The following SEC22C variants were observed in gnomAD, a reference collection of about 807,000 sequenced individuals.
SEC22C encodes the protein SEC22 homolog C, vesicle trafficking protein, also known as vesicle-trafficking protein SEC22c.
Under a neutral mutation model 34.7 loss-of-function variants are expected in SEC22C, and 29 were observed. That is an observed-to-expected ratio of 0.84 (90% CI 0.62 to 1.14). The LOEUF is 1.14. Ranked by LOEUF, SEC22C falls within the 50% of genes most tolerant of loss-of-function variation. The probability of loss-of-function intolerance (pLI) is 0.00; values close to 1 mark genes in which losing one functional copy is unlikely to be tolerated. For synonymous variants in SEC22C, 117 were observed against 132.8 expected, an observed-to-expected ratio of 0.88 and a Z score of 0.82; for missense variants, 337 against 369.0, an observed-to-expected ratio of 0.91 and a Z score of 0.71.
At chr3:42,596,134 G>C (rs1705022469) in intron 1 of SEC22C, among the ~76,000 whole-genome samples, 1 of 151,902 alleles carries the variant, frequency 6.6e-6, no homozygotes, top group Admixed American at 6.6e-5. Flanking sequence ...TGATTCTCCT[G>C]CCTCAGCCTC....
Position 42,549,434 on chromosome 3 carries a change from T to C in SEC22C, c.*3814A>G. 1.0e-6 allele frequency: 1 copy of C among 985,648 alleles called. No individual in the cohort carries two copies. The highest frequency in any genetic ancestry group is 4.7e-5 in the South Asian group (1 of 21,290). The allele number at this position is 985,648 out of a possible 1,614,324, so 61.1% of individuals were successfully genotyped here. A position where few individuals can be genotyped will look rare whatever the true frequency, so the allele number is the denominator to read the frequency against. Reference sequence around the variant, plus strand: ...CCCCCATATGCCAAGGGGCAGCTGCTATCTTCCAGCAGAGAGAGAACCCCC... The same window carrying C: ...CCCCCATATGCCAAGGGGCAGCTGCCATCTTCCAGCAGAGAGAGAACCCCC... On this transcript the variant is annotated 3_prime_UTR_variant, in exon 7 of 7. Coordinates refer to ENST00000264454, the MANE Select transcript of SEC22C (RefSeq NM_032970.4).
At chr3:42,569,648 T>C (rs1203063002) in intron 1 of SEC22C, among the ~76,000 whole-genome samples, 1 of 152,244 alleles carries the variant, frequency 6.6e-6, no homozygotes, top group East Asian at 1.9e-4. Flanking sequence ...CTCTAGATCA[T>C]GTCCTTCTGA....
At chr3:42,553,571 G>A in intron 6 of SEC22C, 123 bp from the exon 7 acceptor site, 1 of 1,386,936 alleles carries the variant, frequency 7.2e-7, no homozygotes, top group Non-Finnish European at 9.6e-7. Flanking sequence ...TGATTAAACT[G>A]AATTCATTAC....
At chr3:42,585,365 T>C (rs931852776), upstream of SEC22C, among the ~76,000 whole-genome samples, 1 of 152,194 alleles carries the variant, frequency 6.6e-6, no homozygotes, top group Admixed American at 6.5e-5. Flanking sequence ...CTCCAGAGTC[T>C]TTCTCTTCCA....
At chr3:42,591,437 C>A in intron 1 of SEC22C, 2 of 928,078 alleles carry the variant, frequency 2.2e-6, no homozygotes, top group South Asian at 2.6e-5. Context: ...TCGTGATCCG[C>A]CTAGATCGGC....
chr3:42,598,651 T>C (rs762082959), intron 1 of SEC22C, among the ~76,000 whole-genome samples: 4 of 151,858 alleles, frequency 2.6e-5, no homozygotes, highest in African/African-American at 4.8e-5. Context: ...TATTACATGA[T>C]TTTACTCACA....
chr3:42,556,971 C>A (rs1190363984), intron 5 of SEC22C, among the ~76,000 whole-genome samples: 1 of 152,206 alleles, frequency 6.6e-6, no homozygotes, highest in African/African-American at 2.4e-5. Context: ...GATCCACCCA[C>A]CTCAACCTCC....
chr3:42,592,976 G>T (rs1244978651), intron 1 of SEC22C, among the ~76,000 whole-genome samples: 2 of 152,072 alleles, frequency 1.3e-5, no homozygotes, highest in African/African-American at 4.8e-5. Context: ...CATGGGTTCT[G>T]CATTGCATTT....
At chr3:42,600,980 C>T in exon 1 of SEC22C, 1 of 1,533,898 alleles carries the variant, frequency 6.5e-7, no homozygotes, top group Non-Finnish European at 8.8e-7. Context: ...CCCCTCTCTC[C>T]CAGCTCTTGC....
rs1703060773 is a variant in SEC22C, at chr3:42,563,688, T to G, written c.183-2A>C. The G allele has an allele frequency of 1.9e-6, 3 of 1,613,770 alleles. No individual in the cohort carries two copies. Among genetic ancestry groups the G allele is most frequent in the South Asian group, 1.1e-5 (1 of 91,054 alleles). ...GCCACGTCCCCGAAAGAAGAAAAAC[T>G]GAAACAAAAGGGCAATATCTGTATT... On this transcript the variant is annotated splice_acceptor_variant, in intron 2 of 6. Coordinates refer to ENST00000264454, the MANE Select transcript of SEC22C (RefSeq NM_032970.4). LOFTEE classifies it high-confidence loss of function.
chr3:42,583,536 G>C (rs1424409428), upstream of SEC22C, among the ~76,000 whole-genome samples: 2 of 152,216 alleles, frequency 1.3e-5, no homozygotes, highest in Non-Finnish European at 2.9e-5. Flanking sequence ...AGGCACCTTT[G>C]AGACTTGGTT....
intron 3 of SEC22C, 135 bp from the exon 4 acceptor site, chr3:42,561,431 A>G: frequency 1.2e-6 from 1 of 817,658 alleles, no homozygotes. Flanking sequence ...AGTGCAGTGC[A>G]GTGGTGCGAT....
upstream of SEC22C, among the ~76,000 whole-genome samples, chr3:42,584,063 G>A (rs1704528163): frequency 6.6e-6 from 1 of 152,096 alleles, no homozygotes; most frequent in Non-Finnish European, 1.5e-5. Context: ...TCTATTGTGG[G>A]ACTTCTCAGC....
chr3:42,557,803 T>A, intron 4 of SEC22C, 107 bp from the exon 5 acceptor site: 1 of 558,058 alleles, frequency 1.8e-6, no homozygotes, highest in Non-Finnish European at 3.3e-6. Flanking sequence ...TTCACTATGT[T>A]AAACATAGAA....
chr3:42,578,405 G>A (rs13061901), intron 1 of SEC22C, among the ~76,000 whole-genome samples: 2 of 152,294 alleles, frequency 1.3e-5, no homozygotes, highest in South Asian at 4.1e-4. Flanking sequence ...AGTTGTCAGA[G>A]GTTAGGGATG....
intron 1 of SEC22C, among the ~76,000 whole-genome samples, chr3:42,597,407 T>A (rs1041580463): frequency 1.4e-4 from 22 of 152,048 alleles, no homozygotes; most frequent in African/African-American, 5.3e-4. Context: ...TACAAAAAAA[T>A]TAGCCAGGTG....
rs181889376 is a variant in SEC22C, at chr3:42,588,219, T to C, written c.-28+12741A>G. On this transcript the variant is annotated intron_variant, in intron 1 of 6. Coordinates refer to the SEC22C transcript ENST00000417572. Reference sequence around the variant, plus strand: ...GAGTTCAAGACCAGCCTGGCCAACATAGAGAAACCCCATCTCTACTAAAAA... The same window carrying C: ...GAGTTCAAGACCAGCCTGGCCAACACAGAGAAACCCCATCTCTACTAAAAA... 6.3e-3 allele frequency among the ~76,000 whole-genome samples: 951 copies of C among 151,706 alleles called. 4 individuals are homozygous for C. The highest frequency in any genetic ancestry group is 9.0e-3 in the Non-Finnish European group (608 of 67,924).
intron 1 of SEC22C, among the ~76,000 whole-genome samples, chr3:42,579,076 G>A (rs1214133664): frequency 1.3e-5 from 2 of 152,134 alleles, no homozygotes; most frequent in Admixed American, 6.5e-5. Flanking sequence ...TCGGGAGTTC[G>A]AGAACAGCCT....
chr3:42,581,580 T>G (rs1258611572), intron 1 of SEC22C, among the ~76,000 whole-genome samples: 1 of 152,272 alleles, frequency 6.6e-6, no homozygotes, highest in Non-Finnish European at 1.5e-5. Flanking sequence ...GGAGAAGCCC[T>G]TGGCGCCCAT....
Sources: gnomAD v4.1 joint callset for allele counts (sites outside exome capture counted in the v4.1 genomes callset) on GRCh38, gnomAD v4.1.1 for gene constraint, MANE v1.5 for transcripts, NCBI Gene and HGNC (gene_info 2026-07-23, HGNC 2026-07-21) for gene names.